DIAPH2: variants seen among roughly 807,000 people sequenced by gnomAD.
DIAPH2 encodes the protein protein diaphanous homolog 2.
A neutral mutation model predicts 92.7 loss-of-function variants in DIAPH2; 35 were observed. The ratio of observed to expected loss-of-function variants is 0.38; its 90% CI spans 0.29 to 0.50. DIAPH2 has a LOEUF of 0.50. Among genes scored for constraint, DIAPH2 ranks in the 20% least tolerant of loss-of-function variants. DIAPH2 has a pLI of 0.94. For synonymous variants in DIAPH2, 301 were observed against 280.4 expected, an observed-to-expected ratio of 1.07 and a Z score of -0.73; for missense variants, 701 against 819.5, an observed-to-expected ratio of 0.86 and a Z score of 1.77.
intron 23 of DIAPH2, among the ~76,000 whole-genome samples, chrX:97,336,199 C>T (rs144877813): frequency 0.011 from 1,232 of 108,669 alleles, 20 homozygotes; most frequent in African/African-American, 0.04. Flanking sequence ...AATATACATT[C>T]TTATAACAAC....
chrX:97,535,437 GT>G (rs2071088513), intron 26 of DIAPH2, among the ~76,000 whole-genome samples: 1 of 111,253 alleles, frequency 9.0e-6, no homozygotes, highest in East Asian at 2.8e-4. Context: ...ACCATAAAAT[GT>G]TTTTTTTCTA....
At chrX:97,060,075 C>T (rs1304959150) in intron 17 of DIAPH2, among the ~76,000 whole-genome samples, 3 of 112,386 alleles carry the variant, frequency 2.7e-5, no homozygotes, top group South Asian at 3.6e-4. Context: ...CCAAATTTTA[C>T]GTATTTACTT....
rs373079532 is a variant in DIAPH2, at chrX:96,999,393, C to T, written c.2050+34186C>T. On this transcript the variant is annotated intron_variant, in intron 17 of 26. Transcript: ENST00000324765. ...GGCGGGCGCTGGTAGTCCAGCTACT[C>T]GGGAGGCTGAGGCAGGAGAATGGCG... Among the ~76,000 whole-genome samples, 11 of 103,402 alleles carry T rather than the reference C, an allele frequency of 1.1e-4. No homozygotes were observed. The East Asian group carries it at 1.3e-3, about 12-fold the overall frequency. The allele number at this position is 103,402 out of a possible 115,157, so 89.8% of individuals were successfully genotyped here.
At chrX:96,766,947 A>C (rs1374898446) in intron 4 of DIAPH2, among the ~76,000 whole-genome samples, 2 of 111,977 alleles carry the variant, frequency 1.8e-5, no homozygotes. Context: ...AGCCTCAGGC[A>C]GTATTGCTTC....
At chrX:96,697,165 A>C (rs73250715) in intron 1 of DIAPH2, among the ~76,000 whole-genome samples, 6,267 of 110,327 alleles carry the variant, frequency 0.057, 201 homozygotes, top group Middle Eastern at 0.16. Flanking sequence ...AAATGCTGTC[A>C]GTGCCTTTTA....
chrX:97,510,512 A>C (rs1413719708), intron 26 of DIAPH2, among the ~76,000 whole-genome samples: 3 of 108,674 alleles, frequency 2.8e-5, no homozygotes, highest in East Asian at 2.9e-4. Context: ...TCTTTAGTTT[A>C]ATTAGATCCC....
intron 22 of DIAPH2, among the ~76,000 whole-genome samples, chrX:97,191,024 T>C (rs1569324895): frequency 9.2e-6 from 1 of 109,284 alleles, no homozygotes; most frequent in African/African-American, 3.3e-5. Flanking sequence ...TGGACCTGAC[T>C]CTCATACAGA....
intron 4 of DIAPH2, among the ~76,000 whole-genome samples, chrX:96,852,186 A>T (rs999302506): frequency 1.8e-5 from 2 of 112,076 alleles, no homozygotes; most frequent in Non-Finnish European, 3.8e-5. Context: ...TTCTCTTTTG[A>T]TTCACTCCAA....
intron 22 of DIAPH2, among the ~76,000 whole-genome samples, chrX:97,200,654 G>T: frequency 8.9e-6 from 1 of 112,172 alleles, no homozygotes. Context: ...CACAGCCCCA[G>T]TCAGGGGCTT....
At chrX:97,569,857 G>A (rs187560539) in intron 26 of DIAPH2, among the ~76,000 whole-genome samples, 127 of 105,500 alleles carry the variant, frequency 1.2e-3, no homozygotes, top group African/African-American at 4.1e-3. Flanking sequence ...GGTTCATTAC[G>A]TTATGTCCCA....
intron 16 of DIAPH2, among the ~76,000 whole-genome samples, chrX:96,963,394 C>T (rs762552149): frequency 3.0e-3 from 335 of 110,208 alleles, no homozygotes; most frequent in African/African-American, 0.011. Context: ...TGGGTTTGGG[C>T]TCTCAATCTG....
At chrX:97,340,986 GTTTTTTTTTT>G (rs35067084) in intron 23 of DIAPH2, 3 of 78,007 alleles carry the variant, frequency 3.8e-5, no homozygotes, top group African/African-American at 1.3e-4. Flanking sequence ...TTTATAGTAA[GTTTTTTTTTT>G]TTTTTTTTTT....
chrX:96,722,145 C>T (rs1322971850), intron 1 of DIAPH2, among the ~76,000 whole-genome samples: 3 of 111,441 alleles, frequency 2.7e-5, no homozygotes, highest in Non-Finnish European at 5.7e-5. Flanking sequence ...CACCTGGGGT[C>T]AGGAGTTTGA....
intron 14 of DIAPH2, among the ~76,000 whole-genome samples, chrX:96,947,214 A>G (rs1444210499): frequency 8.9e-6 from 1 of 111,829 alleles, no homozygotes; most frequent in Non-Finnish European, 1.9e-5. Flanking sequence ...TTAAAAGCAG[A>G]AACATTGTGT....
At chrX:96,931,322 CTTAAA>C (rs1266548135) in intron 10 of DIAPH2, among the ~76,000 whole-genome samples, 1 of 111,382 alleles carries the variant, frequency 9.0e-6, no homozygotes, top group Non-Finnish European at 1.9e-5. Context: ...CAATTTGTTT[CTTAAA>C]TTAAATGTGA....
intron 17 of DIAPH2, among the ~76,000 whole-genome samples, chrX:96,971,260 G>T (rs1471424657): frequency 8.9e-6 from 1 of 112,037 alleles, no homozygotes; most frequent in Non-Finnish European, 1.9e-5. Flanking sequence ...ACACATACTT[G>T]CATTCCAGCT....
chrX:96,694,495 C>T (rs1005874806), intron 1 of DIAPH2, among the ~76,000 whole-genome samples: 6 of 110,641 alleles, frequency 5.4e-5, no homozygotes, highest in African/African-American at 2.0e-4. Flanking sequence ...CATGCACCAC[C>T]ACGCCCAGCT....
intron 24 of DIAPH2, among the ~76,000 whole-genome samples, chrX:97,364,607 T>C (rs956837640): frequency 1.8e-5 from 2 of 111,670 alleles, no homozygotes; most frequent in African/African-American, 6.5e-5. Context: ...CCTTATGGTA[T>C]AGTAGGTACA....
At chrX:97,528,831 T>G (rs769577440) in intron 26 of DIAPH2, 11 of 110,930 alleles carry the variant, frequency 9.9e-5, no homozygotes, top group Non-Finnish European at 1.7e-4. Context: ...CAGAGAAACA[T>G]AGAGAAAAAA....
Sources: allele counts gnomAD v4.1 joint callset (sites outside exome capture counted in the v4.1 genomes callset), GRCh38; gene constraint gnomAD v4.1.1; transcripts MANE v1.5; gene names NCBI Gene and HGNC (gene_info 2026-07-23, HGNC 2026-07-21).